ITGB7: variants seen among roughly 807,000 people sequenced by gnomAD.
ITGB7 encodes the protein integrin subunit beta 7, also known as integrin beta-7.
A neutral mutation model predicts 83.4 loss-of-function variants in ITGB7; 55 were observed. The ratio of observed to expected loss-of-function variants is 0.66; its 90% CI spans 0.53 to 0.83. ITGB7 has a LOEUF of 0.83. Among genes scored for constraint, ITGB7 ranks in the 40% least tolerant of loss-of-function variants. ITGB7 has a pLI of 0.00. For missense variants in ITGB7, 921 were observed against 1,046.7 expected, an observed-to-expected ratio of 0.88 and a Z score of 1.66; for synonymous variants, 454 against 423.6, an observed-to-expected ratio of 1.07 and a Z score of -0.88.
rs138315663 is a variant in ITGB7, at chr12:53,191,617, T to C, written c.2336A>G (p.Lys779Arg). 41 of 1,613,486 alleles carry C rather than the reference T, an allele frequency of 2.5e-5. No individual in the cohort carries two copies. The highest frequency in any genetic ancestry group is 3.1e-5 in the Non-Finnish European group (36 of 1,179,596). ...ATTGATGGTGGTCGTGATGGCACTT[T>C]TGTAGAGAGGATTACTGTCCTGGAG... is the stretch of plus-strand genomic sequence containing the variant. ...NWKQDSNPLY[K>R]SAITTTINPR... The change falls in exon 16 of 16, where the codon AAA becomes AGA. Residue 779 changes from lysine (K) to arginine (R), a missense_variant. Lys to Arg is a conservative substitution (Grantham distance 26). Transcript: ENST00000267082.
intron 5 of ITGB7, 66 bp downstream of exon 5, chr12:53,197,427 G>A: frequency 6.3e-7 from 1 of 1,576,700 alleles, no homozygotes; most frequent in Non-Finnish European, 8.7e-7. Flanking sequence ...CCAGGATGTT[G>A]GCAGAGGCTA....
Position 53,191,858 on chromosome 12 carries a change from C to G in ITGB7, c.2316+1G>C. 1 of 1,613,592 alleles carries G rather than the reference C, an allele frequency of 6.2e-7. No individual in the cohort carries two copies. The highest frequency in any genetic ancestry group is 8.5e-7 in the Non-Finnish European group (1 of 1,179,952). On this transcript the variant is annotated splice_donor_variant, in intron 15 of 15. Transcript: ENST00000267082. LOFTEE classifies it high-confidence loss of function. ...GGGGCCTAACCAGGAAGTCTCCTCA[C>G]CTGCTTCCAGTTGAGTTGTTGCTGC...
chr12:53,195,226 C>T, intron 9 of ITGB7, 148 bp downstream of exon 9: 2 of 636,442 alleles, frequency 3.1e-6, no homozygotes, highest in South Asian at 1.8e-5. Context: ...CAGTTAATGA[C>T]AGCCACATGC....
At chr12:53,198,479 C>A (rs1942242207) in intron 3 of ITGB7, among the ~76,000 whole-genome samples, 1 of 151,602 alleles carries the variant, frequency 6.6e-6, no homozygotes, top group South Asian at 2.1e-4. Context: ...TTGTTTCGAA[C>A]TCCTGGCCCC....
intron 14 of ITGB7, 97 bp downstream of exon 14, chr12:53,192,233 G>T: frequency 7.4e-7 from 1 of 1,357,736 alleles, no homozygotes; most frequent in Non-Finnish European, 1.0e-6. Context: ...TTCTGCTTCA[G>T]CCCCCAGCCT....
chr12:53,205,057 T>C (rs1253086303), intron 1 of ITGB7, among the ~76,000 whole-genome samples: 1 of 152,080 alleles, frequency 6.6e-6, no homozygotes. Context: ...ACCCCTGACT[T>C]CAAGTGATCC....
Position 53,197,755 on chromosome 12 carries a change from C to T in ITGB7, c.398G>A (p.Arg133Gln), listed in dbSNP as rs756810209. 55 of 1,576,388 alleles carry T rather than the reference C, an allele frequency of 3.5e-5. No individual in the cohort carries two copies. Among genetic ancestry groups the T allele is most frequent in the Non-Finnish European group, 4.5e-5 (52 of 1,162,940 alleles). ...CCCCGCCTCCCCTAACTCACCAGGC[C>T]GCAGCGTGACCCGGACCCGCTGCGG... ...LAPQRVRVTLRPGEPQQLQVR... is the reference protein window; with the variant it reads ...LAPQRVRVTLQPGEPQQLQVR... Residue 133 changes from arginine (R) to glutamine (Q), a missense_variant, in exon 4 of 16, where the codon CGG becomes CAG. Physicochemically the swap from Arg to Gln is conservative, Grantham distance 43 (BLOSUM62 1). Transcript: ENST00000267082.
chr12:53,200,110 CAT>C, intron 3 of ITGB7, 131 bp downstream of exon 3: 1 of 762,984 alleles, frequency 1.3e-6, no homozygotes, highest in Non-Finnish European at 2.2e-6. Context: ...CTCAGTCACA[CAT>C]GAGACTGTGG....
chr12:53,196,185 C>T lies in ITGB7; in HGVS notation c.831G>A (p.Trp277Ter). ...ACACCAGCAGCCGGGACACATTTCT[C>T]CAGCCAATCTGCTCCTGAGTTACAG... is the stretch of plus-strand genomic sequence containing the variant. ...QAALCQEQIG[W>*]RNVSRLLVFT... Residue 277 changes from tryptophan to a stop codon, truncating the protein, a stop_gained, in exon 7 of 16, where the codon TGG (tryptophan) becomes TGA (stop). Coordinates refer to ENST00000267082, the MANE Select transcript of ITGB7 (RefSeq NM_000889.3). LOFTEE classifies it high-confidence loss of function. 1 of 1,614,102 alleles carries T rather than the reference C, an allele frequency of 6.2e-7. No homozygotes were observed. Among genetic ancestry groups the T allele is most frequent in the East Asian group, 2.2e-5 (1 of 44,882 alleles).
Position 53,192,894 on chromosome 12 carries a change from T to C in ITGB7, c.1743A>G (p.Gln581=), listed in dbSNP as rs1330748911. The C allele has an allele frequency of 4.3e-6, 7 of 1,613,920 alleles. No homozygotes were observed. In the South Asian group the frequency reaches 4.4e-5, roughly 10 times the overall value. The change falls in exon 13 of 16, where the codon CAA becomes CAG. Residue 581 remains glutamine, a synonymous_variant. Transcript: ENST00000267082. ...GILCGGFGRC[Q]CGVCHCHANR... is the part of the protein sequence containing the mutation. ...TGGCATGACAGTGACATACTCCACA[T>C]TGGCAGCGACCAAAGCCTGGGGTAG...
chr12:53,195,966 G>A, intron 7 of ITGB7, 75 bp downstream of exon 7: 1 of 1,549,980 alleles, frequency 6.5e-7, no homozygotes, highest in Admixed American at 1.7e-5. Context: ...AGGACTGTAA[G>A]GCTGGGAGTG....
intron 1 of ITGB7, among the ~76,000 whole-genome samples, chr12:53,202,358 T>TTTTTG (rs1217019005): frequency 1.3e-5 from 2 of 152,056 alleles, no homozygotes; most frequent in South Asian, 2.1e-4. Flanking sequence ...AACTCTGTCT[T>TTTTTG]TTTTGTTTTG....
At chr12:53,203,859 C>T (rs1942376162) in intron 1 of ITGB7, among the ~76,000 whole-genome samples, 1 of 151,984 alleles carries the variant, frequency 6.6e-6, no homozygotes, top group South Asian at 2.1e-4. Flanking sequence ...TTTGGTTCCT[C>T]AATAAATTGA....
At chr12:53,194,098 A>T in intron 10 of ITGB7, 100 bp downstream of exon 10, 1 of 1,529,270 alleles carries the variant, frequency 6.5e-7, no homozygotes, top group Non-Finnish European at 9.0e-7. Context: ...TCAGGCTCTC[A>T]TGTCACTCCC....
In ITGB7 at chr12:53,192,715, C is replaced by G; in HGVS notation, c.1922G>C (p.Cys641Ser). 6.2e-7 allele frequency: 1 copy of G among 1,614,108 alleles called. No individual in the cohort carries two copies. Among genetic ancestry groups the G allele is most frequent in the Non-Finnish European group, 8.5e-7 (1 of 1,179,998 alleles). ...CCGGTGTCTCTCGCATGGTGTCTTG[C>G]AGCCTGGGCATTGGTCGCATAGAGC... ...YGALCDQCPG[C>S]KTPCERHRDC... The change falls in exon 13 of 16, where the codon TGC (cysteine) becomes TCC (serine). Residue 641 changes from cysteine to serine, a missense_variant. Coordinates refer to ENST00000267082, the MANE Select transcript of ITGB7 (RefSeq NM_000889.3).
chr12:53,192,573 C>A (rs1425097851), intron 13 of ITGB7, 35 bp from the exon 14 acceptor site: 8 of 1,607,112 alleles, frequency 5.0e-6, no homozygotes, highest in Non-Finnish European at 6.8e-6. Flanking sequence ...ACCAGCTGGG[C>A]AGTTGTCACC....
rs1002378927 is a variant in ITGB7 at position 53,192,269 on chromosome 12, C to T, written c.2155+61G>A. On this transcript the variant is annotated intron_variant, in intron 14 of 15. Coordinates refer to ENST00000267082, the MANE Select transcript of ITGB7 (RefSeq NM_000889.3). ...GTTTCCCATTATCTTCACTCTGCAT[C>T]CCCAGAGTTGAGACCCTGCCCATCA... 7 of 1,515,638 alleles carry T rather than the reference C, an allele frequency of 4.6e-6. No homozygotes were observed. In the African/African-American group the frequency reaches 9.6e-5, roughly 21 times the overall value. 93.9% of individuals were successfully genotyped at this position (1,515,638 alleles called of 1,614,324 possible). A position where few individuals can be genotyped will look rare whatever the true frequency, so the allele number is the denominator to read the frequency against.
In ITGB7 at chr12:53,196,739, C is replaced by G. The variant is rs748193418; in HGVS notation, c.656G>C (p.Arg219Pro). Reference sequence around the variant, plus strand: ...GAATGGTGACTGGCAGCGCTCCAGCCGGGTGGGGCAGGGGTGGCGCAGTTT... The same window carrying G: ...GAATGGTGACTGGCAGCGCTCCAGCGGGGTGGGGCAGGGGTGGCGCAGTTT... Reference protein sequence around the residue: ...PSKLRHPCPTRLERCQSPFSF... With the variant: ...PSKLRHPCPTPLERCQSPFSF... The change falls in exon 6 of 16, where the codon CGG becomes CCG. Residue 219 changes from arginine (R) to proline (P), a missense_variant. Physicochemically the swap from Arg to Pro is moderately radical, Grantham distance 103. Coordinates refer to ENST00000267082, the MANE Select transcript of ITGB7 (RefSeq NM_000889.3). 1 of 1,613,654 alleles carries G rather than the reference C, an allele frequency of 6.2e-7. No homozygotes were observed. The highest frequency in any genetic ancestry group is 2.2e-5 in the East Asian group (1 of 44,882).
Position 53,195,656 on chromosome 12 carries a change from A to G in ITGB7, c.1041T>C (p.Ala347=), listed in dbSNP as rs1467629581. ...AGACAGGCAGTGCGGCACTGGTGACAGCAAAGATGGGCTGGATATTTGCTG... is the reference window on the plus strand; with the variant it reads ...AGACAGGCAGTGCGGCACTGGTGACGGCAAAGATGGGCTGGATATTTGCTG... ...LSAANIQPIF[A]VTSAALPVYQ... is the part of the protein sequence containing the mutation. Residue 347 remains alanine, a synonymous_variant, in exon 8 of 16, where the codon GCT becomes GCC. Transcript: ENST00000267082. The G allele has an allele frequency of 1.9e-6, 3 of 1,614,022 alleles. No homozygotes were observed. The highest frequency in any genetic ancestry group is 2.5e-6 in the Non-Finnish European group (3 of 1,180,004).
Sources: allele counts gnomAD v4.1 joint callset (sites outside exome capture counted in the v4.1 genomes callset), GRCh38; gene constraint gnomAD v4.1.1; transcripts MANE v1.5; gene names NCBI Gene and HGNC (gene_info 2026-07-23, HGNC 2026-07-21).